CSMD1: variants seen among roughly 807,000 people sequenced by gnomAD.
CSMD1 encodes the protein CUB and Sushi multiple domains 1.
CSMD1 carries 213 observed loss-of-function variants against 417.5 expected under a neutral mutation model. That is an observed-to-expected ratio of 0.51 (90% CI 0.46 to 0.57). CSMD1 has a LOEUF of 0.57. CSMD1 is among the 20% of genes least tolerant of loss of function. The pLI is 0.00. For missense variants in CSMD1, 6,923 were observed against 4,529.7 expected, an observed-to-expected ratio of 1.53 and a Z score of -15.17; for synonymous variants, 2,862 against 1,736.8, an observed-to-expected ratio of 1.65 and a Z score of -16.11.
chr8:3,284,536 A>T, intron 25 of CSMD1, 190 bp from the exon 26 acceptor site: 3 of 591,794 alleles, frequency 5.1e-6, no homozygotes, highest in Non-Finnish European at 9.1e-6. Flanking sequence ...GTAAATTAGG[A>T]TAAAGCACAC....
chr8:4,076,803 T>C (rs540170356), intron 3 of CSMD1, among the ~76,000 whole-genome samples: 2 of 152,278 alleles, frequency 1.3e-5, no homozygotes, highest in South Asian at 4.1e-4. Flanking sequence ...GTATACACCA[T>C]CACGCAAGGC....
intron 1 of CSMD1, among the ~76,000 whole-genome samples, chr8:4,845,527 T>G (rs1332247507): frequency 1.3e-5 from 2 of 152,258 alleles, no homozygotes; most frequent in Non-Finnish European, 2.9e-5. Flanking sequence ...ACTACGTATT[T>G]TGGCCACTGT....
At chr8:3,201,150 G>A (rs575413170) in intron 32 of CSMD1, among the ~76,000 whole-genome samples, 51 of 152,300 alleles carry the variant, frequency 3.3e-4, no homozygotes, top group African/African-American at 1.2e-3. Context: ...ATGTGTATTT[G>A]CATGTGTGGA....
rs60435503 is a variant in CSMD1, at chr8:3,865,561, G to C, written c.819-111519C>G. On this transcript the variant is annotated intron_variant, in intron 5 of 69. Transcript: ENST00000635120. ...ATGAGGGACCAAGCAGGCACGTACA[G>C]TGGGAAGCCGCAGGAGAATTCAGGT... Among the ~76,000 whole-genome samples the C allele has an allele frequency of 8.0e-3, 1,210 of 152,194 alleles. 15 individuals are homozygous for C. Among genetic ancestry groups the C allele is most frequent in the African/African-American group, 0.025 (1,056 of 41,500 alleles).
At chr8:4,849,007 C>T (rs1193527270) in intron 1 of CSMD1, among the ~76,000 whole-genome samples, 6 of 151,550 alleles carry the variant, frequency 4.0e-5, no homozygotes, top group Admixed American at 2.6e-4. Flanking sequence ...GAGAATAAAG[C>T]GTTGTCATCC....
intron 2 of CSMD1, among the ~76,000 whole-genome samples, chr8:4,592,438 G>C (rs187292437): frequency 9.7e-4 from 147 of 152,078 alleles, no homozygotes; most frequent in African/African-American, 3.4e-3. Flanking sequence ...CCAGGCTGGA[G>C]TGCAGTGGCA....
At chr8:3,494,854 G>C (rs574561794) in intron 10 of CSMD1, among the ~76,000 whole-genome samples, 3 of 152,170 alleles carry the variant, frequency 2.0e-5, no homozygotes, top group Admixed American at 6.5e-5. Context: ...GCGTAGAAAA[G>C]TATCAAATGC....
rs1165541355 is a variant in CSMD1, at chr8:3,396,369, C to T, written c.2418G>A (p.Glu806=). The T allele has an allele frequency of 7.6e-6, 12 of 1,585,368 alleles. No individual in the cohort carries two copies. The highest frequency in any genetic ancestry group is 9.4e-6 in the Non-Finnish European group (11 of 1,165,928). ...IKITFDRFQT[E]VNYDTLEVRD... ...TGACCTCCAAGGTGTCATAATTGAC[C>T]TCTGTCTGAAATCTGCAAATATATA... The change falls in exon 17 of 70, where the codon GAG becomes GAA. Residue 806 remains glutamate (E), a synonymous_variant. Coordinates refer to ENST00000635120, the MANE Select transcript of CSMD1 (RefSeq NM_033225.6).
chr8:4,438,720 T>A (rs146521253), intron 2 of CSMD1, among the ~76,000 whole-genome samples: 41 of 152,380 alleles, frequency 2.7e-4, no homozygotes, highest in African/African-American at 9.6e-4. Flanking sequence ...TGAGATTACC[T>A]GCAGTTACCT....
chr8:4,128,905 T>C (rs757099926), intron 3 of CSMD1, among the ~76,000 whole-genome samples: 4 of 151,940 alleles, frequency 2.6e-5, no homozygotes, highest in Admixed American at 6.6e-5. Flanking sequence ...GTACAACTCA[T>C]ATTGTTTTAA....
intron 11 of CSMD1, among the ~76,000 whole-genome samples, 172 bp downstream of exon 11, chr8:3,493,451 T>C (rs1013944308): frequency 2.0e-5 from 3 of 152,188 alleles, no homozygotes; most frequent in African/African-American, 4.8e-5. Context: ...TCCTAAATTA[T>C]ACTCATAATG....
At chr8:2,978,448 T>A (rs1169159170) in intron 55 of CSMD1, among the ~76,000 whole-genome samples, 164 bp downstream of exon 55, 1 of 152,220 alleles carries the variant, frequency 6.6e-6, no homozygotes, top group Non-Finnish European at 1.5e-5. Flanking sequence ...ATTTGGTGAT[T>A]TCTGGCCACT....
At chr8:4,743,452 A>C (rs1244805347) in intron 1 of CSMD1, among the ~76,000 whole-genome samples, 1 of 152,198 alleles carries the variant, frequency 6.6e-6, no homozygotes, top group Non-Finnish European at 1.5e-5. Flanking sequence ...TGAGCAGAGT[A>C]GAGCGCTTCT....
intron 10 of CSMD1, among the ~76,000 whole-genome samples, chr8:3,537,181 T>C (rs1017770692): frequency 6.6e-6 from 1 of 152,038 alleles, no homozygotes; most frequent in African/African-American, 2.4e-5. Context: ...TTTGTTGTAT[T>C]TTAAGAGACA....
chr8:4,480,266 G>C (rs1051949251), intron 2 of CSMD1, among the ~76,000 whole-genome samples: 2 of 151,644 alleles, frequency 1.3e-5, no homozygotes, highest in Non-Finnish European at 2.9e-5. Context: ...GTCTAGGGTA[G>C]CTCTGAGTTG....
chr8:4,490,667 A>T (rs1028141150), intron 2 of CSMD1, among the ~76,000 whole-genome samples: 2 of 152,154 alleles, frequency 1.3e-5, no homozygotes, highest in African/African-American at 4.8e-5. Context: ...GAATGGTCTT[A>T]ATATACAGAA....
intron 3 of CSMD1, among the ~76,000 whole-genome samples, chr8:4,073,209 T>A (rs574395823): frequency 2.7e-4 from 41 of 152,204 alleles, no homozygotes; most frequent in African/African-American, 8.9e-4. Context: ...CAACAATAAC[T>A]TGTTTTTAAA....
chr8:3,623,274 G>T (rs932807126), intron 7 of CSMD1, among the ~76,000 whole-genome samples: 1 of 152,208 alleles, frequency 6.6e-6, no homozygotes, highest in Non-Finnish European at 1.5e-5. Flanking sequence ...CTGCAGGGCA[G>T]TAAAGAAAAT....
chr8:4,183,429 C>G (rs1335357521), intron 3 of CSMD1, among the ~76,000 whole-genome samples: 1 of 152,166 alleles, frequency 6.6e-6, no homozygotes, highest in African/African-American at 2.4e-5. Context: ...CTGTGGGTCA[C>G]AGCTTGTCAA....
Sources: gnomAD v4.1 joint callset for allele counts (sites outside exome capture counted in the v4.1 genomes callset) on GRCh38, gnomAD v4.1.1 for gene constraint, MANE v1.5 for transcripts, NCBI Gene and HGNC (gene_info 2026-07-23, HGNC 2026-07-21) for gene names.